ELOVL6: variants seen among roughly 807,000 people sequenced by gnomAD.
ELOVL6 encodes ELOVL fatty acid elongase 6.
In ELOVL6, 8 loss-of-function variants were observed where a neutral mutation model predicts 31.7. That is an observed-to-expected ratio of 0.25 (90% CI 0.15 to 0.45). The LOEUF (loss-of-function observed/expected upper bound fraction) is 0.45. Ranked by LOEUF, ELOVL6 falls within the 20% of genes least tolerant of loss-of-function variation. The pLI, the probability that ELOVL6 is intolerant of heterozygous loss-of-function variation, is 1.00. For synonymous variants in ELOVL6, 101 were observed against 117.7 expected (o/e 0.86, Z 0.92); for missense variants, 126 against 326.4 (o/e 0.39, Z 4.73).
At position 110,048,070 on chromosome 4, in the gene ELOVL6, C is replaced by T. The variant is rs1320050156; in HGVS notation, c.*3268G>A. The T allele has an allele frequency of 5.3e-5, 8 of 152,018 alleles. No individual in the cohort carries two copies. The highest frequency in any genetic ancestry group is 2.1e-4 in the South Asian group (1 of 4,800). The allele number at this position is 152,018 out of a possible 1,614,324, so 9.4% of individuals were successfully genotyped here. A position where few individuals can be genotyped will look rare whatever the true frequency, so the allele number is the denominator to read the frequency against. ...TTACATGAGCAGAGAGGTGGAGAAGCGAGGGGATATAATCAAGCCTTTCTT... is the reference window on the plus strand; with the variant it reads ...TTACATGAGCAGAGAGGTGGAGAAGTGAGGGGATATAATCAAGCCTTTCTT... On this transcript the variant is annotated 3_prime_UTR_variant, in exon 4 of 4. Transcript: ENST00000302274.
rs368520569 is a variant in ELOVL6 at position 110,084,040 on chromosome 4, TAACAC to T, written c.221+21452_221+21456del. Among the ~76,000 whole-genome samples, 165 of 55,144 alleles carry T rather than the reference TAACAC, an allele frequency of 3.0e-3. 2 individuals are homozygous for T. Among genetic ancestry groups the T allele is most frequent in the South Asian group, 8.3e-3 (15 of 1,798 alleles). The allele number at this position is 55,144 out of a possible 152,430, so 36.2% of individuals were successfully genotyped here. A position where few individuals can be genotyped will look rare whatever the true frequency, so the allele number is the denominator to read the frequency against. ...TATAACATATGCCATATATGGTATA[TAACAC>T]ATGCTATATATGATATATAACATAT... On this transcript the variant is annotated intron_variant, in intron 2 of 3. Transcript: ENST00000302274.
rs1759292255 is a variant in ELOVL6 at position 110,182,163 on chromosome 4, G to A, written c.89+16084C>T. Reference sequence around the variant, plus strand: ...CCTTTGTCCCATTAGATACATTCCTGGGCCCACATGTAAAAGTTGTAATTC... The same window carrying A: ...CCTTTGTCCCATTAGATACATTCCTAGGCCCACATGTAAAAGTTGTAATTC... On this transcript the variant is annotated intron_variant, in intron 1 of 3. Coordinates refer to ENST00000302274, the MANE Select transcript of ELOVL6 (RefSeq NM_024090.3). 2.0e-5 allele frequency among the ~76,000 whole-genome samples: 3 copies of A among 152,028 alleles called. No individual in the cohort carries two copies. The South Asian group carries it at 6.2e-4, about 32-fold the overall frequency.
chr4:110,189,613 A>G (rs28514655), intron 1 of ELOVL6, among the ~76,000 whole-genome samples: 16,583 of 101,742 alleles, frequency 0.16, 1,097 homozygotes, highest in Non-Finnish European at 0.21. Context: ...AAAAAAAAAA[A>G]AGAGAGAGAG....
chr4:110,108,486 C>G (rs1756947686), intron 1 of ELOVL6, among the ~76,000 whole-genome samples: 1 of 152,210 alleles, frequency 6.6e-6, no homozygotes, highest in Admixed American at 6.5e-5. Context: ...GGGCCATTCA[C>G]TTTTCCACAA....
intron 1 of ELOVL6, among the ~76,000 whole-genome samples, chr4:110,111,803 T>C (rs886438561): frequency 1.3e-5 from 2 of 152,070 alleles, no homozygotes; most frequent in African/African-American, 4.8e-5. Context: ...TACCAGATGC[T>C]GTGGGTTGGG....
intron 2 of ELOVL6, among the ~76,000 whole-genome samples, chr4:110,104,163 G>C (rs1180956776): frequency 6.6e-6 from 1 of 152,124 alleles, no homozygotes; most frequent in Non-Finnish European, 1.5e-5. Flanking sequence ...AGGGAATATT[G>C]AAAAATCAGT....
At chr4:110,087,749 G>C (rs1756307124) in intron 2 of ELOVL6, among the ~76,000 whole-genome samples, 1 of 151,748 alleles carries the variant, frequency 6.6e-6, no homozygotes, top group East Asian at 1.9e-4. Context: ...AAAACTTCTG[G>C]TGGAATGAAG....
In ELOVL6 at chr4:110,094,438, T is replaced by TAA. The variant is rs1553957095; in HGVS notation, c.221+11058_221+11059insTT. ...ATATATATATATATATATATATATA[T>TAA]ATATAATATATATAACATAATATAT... On this transcript the variant is annotated intron_variant, in intron 2 of 3. Transcript: ENST00000302274. 9.4e-3 allele frequency among the ~76,000 whole-genome samples: 518 copies of TAA among 55,304 alleles called. 17 individuals carry two copies. Among genetic ancestry groups the TAA allele is most frequent in the African/African-American group, 0.023 (271 of 11,672 alleles). 36.3% of individuals were successfully genotyped at this position (55,304 alleles called of 152,430 possible). A position where few individuals can be genotyped will look rare whatever the true frequency, so the allele number is the denominator to read the frequency against.
intron 2 of ELOVL6, among the ~76,000 whole-genome samples, chr4:110,090,629 G>A (rs1217626842): frequency 4.1e-5 from 3 of 72,822 alleles, no homozygotes; most frequent in South Asian, 7.4e-4. Flanking sequence ...TTCATGAGAC[G>A]GAGTCTCGCT....
chr4:110,187,169 A>G (rs184794238), intron 1 of ELOVL6, among the ~76,000 whole-genome samples: 69 of 151,950 alleles, frequency 4.5e-4, no homozygotes, highest in Non-Finnish European at 8.7e-4. Context: ...CATATGAGTA[A>G]AAGAGTCTGA....
chr4:110,113,968 G>A (rs1023873290), intron 1 of ELOVL6, among the ~76,000 whole-genome samples: 1 of 152,050 alleles, frequency 6.6e-6, no homozygotes, highest in African/African-American at 2.4e-5. Flanking sequence ...TAATAATGAT[G>A]AGCCAGGCAT....
chr4:110,147,136 A>G, intron 1 of ELOVL6: 1 of 165,260 alleles, frequency 6.1e-6, no homozygotes, highest in Non-Finnish European at 1.3e-5. Flanking sequence ...CCACACTGAG[A>G]AGATCCTTAC....
intron 2 of ELOVL6, among the ~76,000 whole-genome samples, chr4:110,070,643 G>C (rs1755444995): frequency 6.6e-6 from 1 of 152,152 alleles, no homozygotes; most frequent in African/African-American, 2.4e-5. Context: ...GGGCCTGCTG[G>C]GAGGTGATTG....
At chr4:110,085,116 G>A (rs1466186195) in intron 2 of ELOVL6, among the ~76,000 whole-genome samples, 3 of 152,150 alleles carry the variant, frequency 2.0e-5, no homozygotes, top group African/African-American at 7.2e-5. Flanking sequence ...GGACATCAAA[G>A]AAAGAAAATG....
chr4:110,198,182 A>G (rs1348365087), intron 1 of ELOVL6, 65 bp downstream of exon 1: 2 of 979,440 alleles, frequency 2.0e-6, no homozygotes, highest in Non-Finnish European at 3.3e-6. Flanking sequence ...GAATACCGAC[A>G]TTAAGGCACT....
At chr4:110,179,157 A>G (rs1196235455) in intron 1 of ELOVL6, among the ~76,000 whole-genome samples, 4 of 152,222 alleles carry the variant, frequency 2.6e-5, no homozygotes, top group African/African-American at 7.2e-5. Flanking sequence ...CTCCAGATAC[A>G]TACAATTTAA....
chr4:110,084,436 A>ATATGATGTATCACATATATGATATG (rs1553956184), intron 2 of ELOVL6, among the ~76,000 whole-genome samples: 1 of 103,232 alleles, frequency 9.7e-6, no homozygotes, highest in Non-Finnish European at 1.9e-5. Context: ...CATATATCAT[A>ATATGATGTATCACATATATGATATG]TATGATATAT....
At chr4:110,084,070 T>TATGGTATATAAG (rs1756023219) in intron 2 of ELOVL6, among the ~76,000 whole-genome samples, 1 of 82,846 alleles carries the variant, frequency 1.2e-5, no homozygotes, top group African/African-American at 3.8e-5. Flanking sequence ...ATATAACATA[T>TATGGTATATAAG]ATATGCTATA....
intron 2 of ELOVL6, among the ~76,000 whole-genome samples, chr4:110,060,543 A>G (rs1442293467): frequency 1.3e-5 from 2 of 152,204 alleles, no homozygotes; most frequent in Non-Finnish European, 2.9e-5. Flanking sequence ...AAAAATAAAC[A>G]ATTTCTTTAA....
Sources: gnomAD v4.1 joint callset for allele counts (sites outside exome capture counted in the v4.1 genomes callset) on GRCh38, gnomAD v4.1.1 for gene constraint, MANE v1.5 for transcripts, NCBI Gene and HGNC (gene_info 2026-07-23, HGNC 2026-07-21) for gene names.